The following MRC1 variants were observed in gnomAD, a reference collection of about 807,000 sequenced individuals.
The protein encoded by MRC1 is macrophage mannose receptor 1.
MRC1 carries 62 observed loss-of-function variants against 102.9 expected under a neutral mutation model. The ratio of observed to expected loss-of-function variants is 0.60; its 90% CI spans 0.49 to 0.74. MRC1 has a LOEUF of 0.74. Ranked by LOEUF, MRC1 falls within the 30% of genes least tolerant of loss-of-function variation. The probability of loss-of-function intolerance (pLI) is 0.00; values close to 1 mark genes in which losing one functional copy is unlikely to be tolerated. For synonymous variants in MRC1, 457 were observed against 298.4 expected, an observed-to-expected ratio of 1.53 and a Z score of -5.48; for missense variants, 1,237 against 862.8, an observed-to-expected ratio of 1.43 and a Z score of -5.43.
intron 26 of MRC1, among the ~76,000 whole-genome samples, chr10:17,906,039 CT>C (rs1310367165): frequency 6.6e-6 from 1 of 152,180 alleles, no homozygotes; most frequent in Non-Finnish European, 1.5e-5. Flanking sequence ...TGGGTTGTCA[CT>C]TCCATAGCCA....
chr10:17,898,375 C>T lies in MRC1; in HGVS notation c.3483+109C>T, dbSNP rs1284580997. 2.9e-5 allele frequency: 22 copies of T among 768,838 alleles called. No homozygotes were observed. In the Admixed American group the frequency reaches 3.8e-4, roughly 13 times the overall value. The allele number at this position is 768,838 out of a possible 1,614,324, so 47.6% of individuals were successfully genotyped here. On this transcript the variant is annotated intron_variant, in intron 24 of 29. Coordinates refer to ENST00000569591, the MANE Select transcript of MRC1 (RefSeq NM_002438.4). ...TACTCATTATGTGTAAGAGACTGTG[C>T]TAGGCAATGTGAATGATACTAACAT...
At chr10:17,852,109 C>G (rs1395542949) in intron 7 of MRC1, among the ~76,000 whole-genome samples, 1 of 152,152 alleles carries the variant, frequency 6.6e-6, no homozygotes, top group Non-Finnish European at 1.5e-5. Flanking sequence ...TTAGCCATGA[C>G]ATCTTAAACC....
chr10:17,906,517 A>G (rs1180907138), intron 26 of MRC1, among the ~76,000 whole-genome samples: 1 of 152,196 alleles, frequency 6.6e-6, no homozygotes. Flanking sequence ...CTGCTTCACC[A>G]AGAATGAATA....
rs1482982334 is a variant in MRC1 at position 17,827,391 on chromosome 10, AAAAAAAAAAAAAAAAAAAAG to A, written c.464-147_464-128del. ...AATACCCAAAAAAAAAAAAAAAAAA[AAAAAAAAAAAAAAAAAAAAG>A]AAATCCCTCTGTGGGTGCATCAAGT... On this transcript the variant is annotated intron_variant, in intron 2 of 29. Coordinates refer to ENST00000569591, the MANE Select transcript of MRC1 (RefSeq NM_002438.4). 1.5e-3 allele frequency: 266 copies of A among 181,394 alleles called. 24 individuals carry two copies. Among genetic ancestry groups the A allele is most frequent in the South Asian group, 5.2e-3 (54 of 10,288 alleles). The allele number at this position is 181,394 out of a possible 1,614,324, so 11.2% of individuals were successfully genotyped here.
intron 4 of MRC1, among the ~76,000 whole-genome samples, chr10:17,838,811 A>C (rs991621452): frequency 6.6e-6 from 1 of 152,014 alleles, no homozygotes; most frequent in Non-Finnish European, 1.5e-5. Flanking sequence ...CCAACTGTAC[A>C]AAAAAAATTT....
intron 5 of MRC1, among the ~76,000 whole-genome samples, chr10:17,842,377 C>T (rs1838765294): frequency 6.6e-6 from 1 of 152,148 alleles, no homozygotes; most frequent in Non-Finnish European, 1.5e-5. Flanking sequence ...TATATTTTGG[C>T]TTAAATAAAT....
At chr10:17,827,518 G>A in intron 2 of MRC1, 24 bp from the exon 3 acceptor site, 1 of 771,754 alleles carries the variant, frequency 1.3e-6, no homozygotes, top group Non-Finnish European at 2.4e-6. Flanking sequence ...CACATTCCAA[G>A]TTCAAGTCAA....
At chr10:17,837,733 TG>T (rs1838690295) in intron 4 of MRC1, among the ~76,000 whole-genome samples, 1 of 151,990 alleles carries the variant, frequency 6.6e-6, no homozygotes, top group African/African-American at 2.4e-5. Flanking sequence ...CCTGAGTAGC[TG>T]GGGCTACAGG....
At chr10:17,874,686 G>A (rs1833402724) in intron 16 of MRC1, among the ~76,000 whole-genome samples, 1 of 149,474 alleles carries the variant, frequency 6.7e-6, no homozygotes, top group African/African-American at 2.4e-5. Context: ...GCATCTATTC[G>A]AAGTTTTGCT....
chr10:17,900,319 C>T (rs1833812548), intron 24 of MRC1, among the ~76,000 whole-genome samples: 1 of 151,934 alleles, frequency 6.6e-6, no homozygotes, highest in Non-Finnish European at 1.5e-5. Context: ...AGCCGTTTAC[C>T]ATTGGTGCTG....
At chr10:17,822,535 C>G (rs1029559367) in intron 1 of MRC1, among the ~76,000 whole-genome samples, 2 of 152,278 alleles carry the variant, frequency 1.3e-5, no homozygotes, top group African/African-American at 4.8e-5. Context: ...GCAGGAAGAT[C>G]ACTTGAGCCC....
intron 5 of MRC1, among the ~76,000 whole-genome samples, chr10:17,842,791 C>T (rs1458334479): frequency 6.6e-6 from 1 of 152,154 alleles, no homozygotes; most frequent in Admixed American, 6.5e-5. Context: ...AGGGAGAAAA[C>T]TTCCGGGTTA....
At position 17,910,600 on chromosome 10, in the gene MRC1, T is replaced by G; in HGVS notation, c.*135T>G. The G allele has an allele frequency of 1.4e-6, 1 of 718,848 alleles. No homozygotes were observed. 44.5% of individuals were successfully genotyped at this position (718,848 alleles called of 1,614,324 possible). A position where few individuals can be genotyped will look rare whatever the true frequency, so the allele number is the denominator to read the frequency against. ...GTCTGTCCTTTTTTCCTTTGCCTAA[T>G]TGAAGAAATAATTGCTTGTTTTCTA... On this transcript the variant is annotated 3_prime_UTR_variant, in exon 30 of 30. Transcript: ENST00000569591.
intron 23 of MRC1, among the ~76,000 whole-genome samples, chr10:17,896,902 A>G (rs1165763164): frequency 1.3e-5 from 2 of 152,224 alleles, no homozygotes; most frequent in African/African-American, 4.8e-5. Flanking sequence ...ACACTGGTAA[A>G]CAAGGATATC....
chr10:17,867,377 CT>C lies in MRC1; in HGVS notation c.1983+618del, dbSNP rs1833290002. On this transcript the variant is annotated intron_variant, in intron 12 of 29. Coordinates refer to ENST00000569591, the MANE Select transcript of MRC1 (RefSeq NM_002438.4). ...TCTTCTCCTTCTCCTTCTTCTTCTT[CT>C]TCTTCTTCTCCTTCTTCTCCTTCTT... 7.8e-5 allele frequency among the ~76,000 whole-genome samples: 11 copies of C among 141,388 alleles called. No homozygotes were observed. The South Asian group carries it at 2.1e-3, about 27-fold the overall frequency. 92.8% of individuals were successfully genotyped at this position (141,388 alleles called of 152,430 possible).
chr10:17,878,453 A>G (rs1487429826), intron 18 of MRC1, among the ~76,000 whole-genome samples: 1 of 152,092 alleles, frequency 6.6e-6, no homozygotes, highest in Non-Finnish European at 1.5e-5. Flanking sequence ...ACCATTTTCT[A>G]TTAGATATAG....
At position 17,809,383 on chromosome 10, in the gene MRC1, G is replaced by T. The variant is rs1199082521; in HGVS notation, c.-83G>T. The T allele has an allele frequency of 2.4e-6, 2 of 844,618 alleles. No individual in the cohort carries two copies. Among genetic ancestry groups the T allele is most frequent in the African/African-American group, 3.3e-5 (2 of 60,666 alleles). The allele number at this position is 844,618 out of a possible 1,614,324, so 52.3% of individuals were successfully genotyped here. A position where few individuals can be genotyped will look rare whatever the true frequency, so the allele number is the denominator to read the frequency against. Reference sequence around the variant, plus strand: ...GCTCTGGGAACTTGGATTAGGTGGAGAGGCAGTTGGGGGGCCTCGTTGTTT... The same window carrying T: ...GCTCTGGGAACTTGGATTAGGTGGATAGGCAGTTGGGGGGCCTCGTTGTTT... On this transcript the variant is annotated 5_prime_UTR_variant, in exon 1 of 30. Transcript: ENST00000569591.
chr10:17,889,865 C>A (rs1389354648), intron 22 of MRC1, among the ~76,000 whole-genome samples: 1 of 152,104 alleles, frequency 6.6e-6, no homozygotes, highest in African/African-American at 2.4e-5. Context: ...TAGATGAATT[C>A]AGAATAAGGA....
intron 26 of MRC1, among the ~76,000 whole-genome samples, chr10:17,905,475 C>G (rs1184654985): frequency 1.3e-5 from 2 of 151,926 alleles, no homozygotes; most frequent in African/African-American, 4.8e-5. Context: ...CTTGTTTGAA[C>G]TTTTGTAATT....
Sources: allele counts gnomAD v4.1 joint callset (sites outside exome capture counted in the v4.1 genomes callset), GRCh38; gene constraint gnomAD v4.1.1; transcripts MANE v1.5; gene names NCBI Gene and HGNC (gene_info 2026-07-23, HGNC 2026-07-21).